Variants in METTL15 observed in about 807,000 individuals in gnomAD.
The protein encoded by METTL15 is methyltransferase 15, mitochondrial 12S rRNA N4-cytidine, also known as 12S rRNA N(4)-cytidine methyltransferase METTL15.
METTL15 carries 34 observed loss-of-function variants against 38.3 expected under a neutral mutation model. That is an observed-to-expected ratio of 0.89 (90% CI 0.68 to 1.18). The LOEUF (loss-of-function observed/expected upper bound fraction) is 1.18. Among genes scored for constraint, METTL15 ranks in the 50% most tolerant of loss-of-function variants. The pLI is 0.00. For synonymous variants in METTL15, 162 were observed against 170.9 expected (o/e 0.95, Z 0.41); for missense variants, 438 against 498.4 (o/e 0.88, Z 1.15).
Position 28,378,435 on chromosome 11 carries a change from C to G in METTL15, c.*358+16399C>G, listed in dbSNP as rs576000227. On this transcript the variant is annotated intron_variant and NMD_transcript_variant, in intron 5 of 7. Coordinates refer to the METTL15 transcript ENST00000532947. ...CCGATTTTCCAGGTGCCATTCGTCA[C>G]CCCTTTCTTTGATTAGGAAAGGGAA... is the stretch of plus-strand genomic sequence containing the variant. Among the ~76,000 whole-genome samples, 4 of 152,352 alleles carry G rather than the reference C, an allele frequency of 2.6e-5. No individual in the cohort carries two copies. The East Asian group carries it at 7.7e-4, about 29-fold the overall frequency.
At chr11:28,495,691 G>A (rs1224556697) in intron 6 of METTL15, among the ~76,000 whole-genome samples, 1 of 151,912 alleles carries the variant, frequency 6.6e-6, no homozygotes, top group East Asian at 1.9e-4. Flanking sequence ...AAGACCCATA[G>A]TCTTTCCTAA....
chr11:28,370,016 C>G (rs570608390), intron 5 of METTL15, among the ~76,000 whole-genome samples: 3 of 152,128 alleles, frequency 2.0e-5, no homozygotes, highest in South Asian at 2.1e-4. Context: ...TTATAAAGAT[C>G]AAATCAGTGA....
At chr11:28,131,299 A>G (rs12806548) in intron 3 of METTL15, among the ~76,000 whole-genome samples, 70,015 of 151,912 alleles carry the variant, frequency 0.46, 17,761 homozygotes, top group Admixed American at 0.56. Context: ...AAGGTGGTAA[A>G]GTTTTCTTAC....
chr11:28,186,236 T>C (rs1472538450), intron 3 of METTL15, among the ~76,000 whole-genome samples: 1 of 151,216 alleles, frequency 6.6e-6, no homozygotes, highest in African/African-American at 2.4e-5. Context: ...TGTAAGATGT[T>C]TCAGGGAAAT....
chr11:28,281,373 T>C (rs1182533092), intron 4 of METTL15, among the ~76,000 whole-genome samples: 1 of 152,202 alleles, frequency 6.6e-6, no homozygotes, highest in African/African-American at 2.4e-5. Flanking sequence ...CCAATGAAGC[T>C]GCCGAAAGTT....
At chr11:28,418,282 G>A (rs553781412) in intron 5 of METTL15, among the ~76,000 whole-genome samples, 1 of 152,260 alleles carries the variant, frequency 6.6e-6, no homozygotes, top group Admixed American at 6.5e-5. Context: ...TTACCTCCAG[G>A]AGCGTTCTTG....
chr11:28,306,218 G>A (rs150946045), intron 6 of METTL15, among the ~76,000 whole-genome samples: 1 of 152,102 alleles, frequency 6.6e-6, no homozygotes, highest in African/African-American at 2.4e-5. Flanking sequence ...TCCATTTCTT[G>A]TTATTTTATA....
intron 6 of METTL15, among the ~76,000 whole-genome samples, chr11:28,493,981 G>T (rs1414139572): frequency 6.6e-6 from 1 of 152,212 alleles, no homozygotes; most frequent in East Asian, 1.9e-4. Flanking sequence ...AATTACACTG[G>T]CATGATATAG....
At position 28,113,502 on chromosome 11, in the gene METTL15, G is replaced by A; in HGVS notation, c.168G>A (p.Glu56=). 6.2e-7 allele frequency: 1 copy of A among 1,613,238 alleles called. No individual in the cohort carries two copies. The highest frequency in any genetic ancestry group is 1.3e-5 in the African/African-American group (1 of 74,984). ...AAACAGATCAAACTCAAGCCCAGGA[G>A]TTACACAGATCTCAAGATAGAGATT... ...REQTDQTQAQ[E]LHRSQDRDFE... Residue 56 remains glutamate (E), a synonymous_variant, in exon 3 of 7, where the codon GAG becomes GAA. Transcript: ENST00000407364.
In METTL15 at chr11:28,200,683, A is replaced by T. The variant is rs572877482; in HGVS notation, c.271-10379A>T. Reference sequence around the variant, plus strand: ...TCTCTTTGTAGTGACTGTGAATGGGAGTTCATTCATGATTTGGCTCTCTGC... The same window carrying T: ...TCTCTTTGTAGTGACTGTGAATGGGTGTTCATTCATGATTTGGCTCTCTGC... On this transcript the variant is annotated intron_variant, in intron 3 of 6. Coordinates refer to ENST00000407364, the MANE Select transcript of METTL15 (RefSeq NM_001113528.2). 1.6e-4 allele frequency among the ~76,000 whole-genome samples: 24 copies of T among 152,044 alleles called. No homozygotes were observed. In the East Asian group the frequency reaches 4.1e-3, roughly 26 times the overall value.
chr11:28,213,275 G>A (rs183553622), intron 4 of METTL15, among the ~76,000 whole-genome samples: 1 of 151,976 alleles, frequency 6.6e-6, no homozygotes, highest in African/African-American at 2.4e-5. Flanking sequence ...ATCAAGGAAA[G>A]TATAAACAAA....
At chr11:28,503,812 C>G (rs926303981) in intron 6 of METTL15, among the ~76,000 whole-genome samples, 10 of 151,638 alleles carry the variant, frequency 6.6e-5, no homozygotes, top group African/African-American at 1.9e-4. Flanking sequence ...AAAAAAGATT[C>G]AAACCCGGTA....
chr11:28,486,758 C>A (rs1413955555), intron 6 of METTL15, among the ~76,000 whole-genome samples: 4 of 152,116 alleles, frequency 2.6e-5, no homozygotes, highest in African/African-American at 9.7e-5. Context: ...TTTTGCCATG[C>A]CAGGATATTG....
chr11:28,295,190 A>G (rs760069232), intron 5 of METTL15, among the ~76,000 whole-genome samples: 2 of 152,110 alleles, frequency 1.3e-5, no homozygotes, highest in Non-Finnish European at 2.9e-5. Flanking sequence ...CAGGCATTGT[A>G]TTTCTGTTTT....
chr11:28,211,000 T>C (rs1852611392), intron 3 of METTL15, 62 bp from the exon 4 acceptor site: 2 of 1,493,572 alleles, frequency 1.3e-6, no homozygotes, highest in Admixed American at 4.2e-5. Flanking sequence ...GAAATTGAGA[T>C]AGTTGTCAAG....
chr11:28,517,882 C>G (rs558652468), intron 6 of METTL15, among the ~76,000 whole-genome samples: 30 of 152,298 alleles, frequency 2.0e-4, no homozygotes, highest in Admixed American at 1.9e-3. Context: ...CTTCAAAGGA[C>G]AAGATGAGGC....
intron 6 of METTL15, among the ~76,000 whole-genome samples, chr11:28,436,841 G>A (rs144617809): frequency 1.1e-4 from 16 of 152,198 alleles, no homozygotes; most frequent in African/African-American, 2.4e-4. Context: ...TTGTTCCTGG[G>A]TGTGTCTATG....
intron 3 of METTL15, chr11:28,197,403 TATA>T (rs991135812): frequency 6.7e-6 from 2 of 299,350 alleles, no homozygotes; most frequent in African/African-American, 4.4e-5. Context: ...AAATCCGTTT[TATA>T]ATATTATTTA....
At chr11:28,338,139 C>G (rs1372817953), downstream of METTL15, among the ~76,000 whole-genome samples, 2 of 150,858 alleles carry the variant, frequency 1.3e-5, no homozygotes, top group Non-Finnish European at 2.9e-5. Context: ...CAACTGCAGT[C>G]TTTAAGCCTT....
Sources: allele counts gnomAD v4.1 joint callset (sites outside exome capture counted in the v4.1 genomes callset), GRCh38; gene constraint gnomAD v4.1.1; transcripts MANE v1.5; gene names NCBI Gene and HGNC (gene_info 2026-07-23, HGNC 2026-07-21).